KCNH1: variants seen among roughly 807,000 people sequenced by gnomAD.
KCNH1 encodes potassium voltage-gated channel subfamily H member 1, also known as voltage-gated delayed rectifier potassium channel KCNH1.
A neutral mutation model predicts 69.2 loss-of-function variants in KCNH1; 27 were observed. The ratio of observed to expected loss-of-function variants is 0.39; its 90% CI spans 0.29 to 0.54. The LOEUF (loss-of-function observed/expected upper bound fraction) is 0.54, where lower values mean the gene tolerates loss of function less well. KCNH1 is among the 20% of genes least tolerant of loss of function. KCNH1 has a pLI of 0.68. For synonymous variants in KCNH1, 456 were observed against 487.7 expected, an observed-to-expected ratio of 0.93 and a Z score of 0.86; for missense variants, 798 against 1,261.6, an observed-to-expected ratio of 0.63 and a Z score of 5.57.
intron 10 of KCNH1, among the ~76,000 whole-genome samples, chr1:210,717,967 C>T (rs980772546): frequency 4.6e-5 from 7 of 151,794 alleles, no homozygotes; most frequent in Non-Finnish European, 8.8e-5. Flanking sequence ...GTTAGCCAGG[C>T]GTGGTGGTGT....
chr1:210,889,866 A>G (rs1299824718), intron 7 of KCNH1, among the ~76,000 whole-genome samples: 1 of 152,208 alleles, frequency 6.6e-6, no homozygotes, highest in Non-Finnish European at 1.5e-5. Flanking sequence ...AAGGAGAACT[A>G]CAAATCACTG....
intron 5 of KCNH1, among the ~76,000 whole-genome samples, chr1:211,075,393 A>G (rs1452107700): frequency 6.6e-6 from 1 of 152,196 alleles, no homozygotes; most frequent in African/African-American, 2.4e-5. Context: ...GAGCTGCATC[A>G]TGTTGGTAGT....
rs192270371 is a variant in KCNH1 at position 210,706,234 on chromosome 1, A to C, written c.2113-22096T>G. On this transcript the variant is annotated intron_variant, in intron 10 of 10. Transcript: ENST00000271751. ...GATTCACTCAGGCTTTGCCGCCATC[A>C]GCTCCATGAAATTTAGACACCAGCT... Among the ~76,000 whole-genome samples the C allele has an allele frequency of 6.8e-3, 1,030 of 152,266 alleles. 10 individuals are homozygous for C. The highest frequency in any genetic ancestry group is 0.031 in the Middle Eastern group (9 of 294).
chr1:210,989,285 A>C (rs1688898845), intron 6 of KCNH1, among the ~76,000 whole-genome samples: 1 of 152,250 alleles, frequency 6.6e-6, no homozygotes, highest in Non-Finnish European at 1.5e-5. Context: ...CAATATGTTT[A>C]TGAAGCAAAA....
chr1:211,091,475 T>C (rs2102473775), intron 3 of KCNH1, among the ~76,000 whole-genome samples: 1 of 152,244 alleles, frequency 6.6e-6, no homozygotes, highest in African/African-American at 2.4e-5. Flanking sequence ...GCCCAGAAAC[T>C]ATATTTCTAC....
At chr1:210,707,760 A>G (rs1331491633) in intron 10 of KCNH1, among the ~76,000 whole-genome samples, 1 of 152,168 alleles carries the variant, frequency 6.6e-6, no homozygotes, top group African/African-American at 2.4e-5. Context: ...CAGCCAGGCC[A>G]TTCCCTCCTC....
chr1:210,861,934 G>T, intron 7 of KCNH1: 1 of 765,238 alleles, frequency 1.3e-6, no homozygotes, highest in Non-Finnish European at 2.4e-6. Context: ...ATCACGTTTG[G>T]TGATGTGATG....
chr1:211,090,135 A>G (rs1691026765), intron 4 of KCNH1, among the ~76,000 whole-genome samples: 1 of 152,262 alleles, frequency 6.6e-6, no homozygotes, highest in Admixed American at 6.5e-5. Context: ...AAGATGTGCT[A>G]AAGTCCGCTT....
intron 7 of KCNH1, among the ~76,000 whole-genome samples, chr1:210,874,878 C>T (rs1298926542): frequency 2.0e-5 from 3 of 152,078 alleles, no homozygotes; most frequent in South Asian, 2.1e-4. Flanking sequence ...CTCAGGGTTA[C>T]GTATATCTCC....
intron 3 of KCNH1, among the ~76,000 whole-genome samples, chr1:211,102,404 A>G (rs1691274024): frequency 6.6e-6 from 1 of 152,148 alleles, no homozygotes; most frequent in Non-Finnish European, 1.5e-5. Context: ...AGCCCTTCAC[A>G]GTCTTTCCCT....
At position 210,861,617 on chromosome 1, in the gene KCNH1, TATAGAGTATATACTGAACAAGAGC is replaced by T. The variant is rs1040378479; in HGVS notation, c.1463-57475_1463-57452del. On this transcript the variant is annotated intron_variant, in intron 7 of 10. Transcript: ENST00000271751. ...GTTTATCAGTTCCAGTGGTATAGAG[TATAGAGTATATACTGAACAAGAGC>T]ATAGAGTATATACTGAACAAGATCA... 108 of 771,176 alleles carry T rather than the reference TATAGAGTATATACTGAACAAGAGC, an allele frequency of 1.4e-4. 3 individuals carry two copies. The highest frequency in any genetic ancestry group is 1.3e-3 in the South Asian group (97 of 74,388). 47.8% of individuals were successfully genotyped at this position (771,176 alleles called of 1,614,324 possible).
chr1:210,905,957 C>T (rs1185873527), intron 7 of KCNH1, among the ~76,000 whole-genome samples: 1 of 152,172 alleles, frequency 6.6e-6, no homozygotes, highest in Non-Finnish European at 1.5e-5. Context: ...TCCACTTAGT[C>T]CAGCGTAAAG....
intron 7 of KCNH1, among the ~76,000 whole-genome samples, chr1:210,890,659 A>ATT (rs949666956): frequency 1.1e-4 from 16 of 152,122 alleles, no homozygotes; most frequent in African/African-American, 3.1e-4. Context: ...ACAAACGGAT[A>ATT]ATACCCAGGA....
chr1:211,103,073 T>C (rs1313557648), intron 3 of KCNH1, among the ~76,000 whole-genome samples: 2 of 152,178 alleles, frequency 1.3e-5, no homozygotes, highest in African/African-American at 4.8e-5. Flanking sequence ...AAACTTTTAT[T>C]TAGAAACGCT....
At chr1:211,123,740 A>G (rs1162117805) in intron 1 of KCNH1, among the ~76,000 whole-genome samples, 1 of 152,204 alleles carries the variant, frequency 6.6e-6, no homozygotes, top group African/African-American at 2.4e-5. Flanking sequence ...GCCGAGAGCA[A>G]GAGACCAATA....
chr1:211,082,207 T>C (rs1163739418), intron 5 of KCNH1, among the ~76,000 whole-genome samples: 1 of 152,174 alleles, frequency 6.6e-6, no homozygotes, highest in Non-Finnish European at 1.5e-5. Flanking sequence ...CATGATTATA[T>C]AAAGTGAAGA....
At chr1:210,782,729 A>G (rs1214729823) in intron 9 of KCNH1, among the ~76,000 whole-genome samples, 2 of 152,066 alleles carry the variant, frequency 1.3e-5, no homozygotes, top group Admixed American at 6.6e-5. Flanking sequence ...TCCGTCTCAA[A>G]AAAAAAAGAA....
Position 211,040,912 on chromosome 1 carries a change from T to C in KCNH1, c.559-21656A>G, listed in dbSNP as rs540459833. ...AGTGCCTTCTTCTGTGAAAGGCCAG[T>C]TCCTCCCAAGTGCTCTGAGCCTCAT... On this transcript the variant is annotated intron_variant, in intron 5 of 10. Coordinates refer to ENST00000271751, the MANE Select transcript of KCNH1 (RefSeq NM_172362.3). Among the ~76,000 whole-genome samples the C allele has an allele frequency of 3.3e-5, 5 of 152,274 alleles. No individual in the cohort carries two copies. In the East Asian group the frequency reaches 7.7e-4, roughly 24 times the overall value.
intron 6 of KCNH1, among the ~76,000 whole-genome samples, chr1:210,970,102 AT>A (rs561114791): frequency 2.2e-4 from 32 of 148,554 alleles, no homozygotes; most frequent in African/African-American, 4.7e-4. Context: ...TCCTGCTTTT[AT>A]TTTTTTTTTA....
Sources: gnomAD v4.1 joint callset for allele counts (sites outside exome capture counted in the v4.1 genomes callset) on GRCh38, gnomAD v4.1.1 for gene constraint, MANE v1.5 for transcripts, NCBI Gene and HGNC (gene_info 2026-07-23, HGNC 2026-07-21) for gene names.